MYO15A: variants seen among roughly 807,000 people sequenced by gnomAD.
MYO15A encodes unconventional myosin-XV.
A neutral mutation model predicts 394.6 loss-of-function variants in MYO15A; 308 were observed. The ratio of observed to expected loss-of-function variants is 0.78; its 90% confidence interval spans 0.71 to 0.86. The LOEUF (loss-of-function observed/expected upper bound fraction) is 0.86. Among genes scored for constraint, MYO15A ranks in the 40% least tolerant of loss-of-function variants. MYO15A has a pLI of 0.00. For missense variants in MYO15A, 4,606 were observed against 4,799.1 expected (o/e 0.96, Z 1.19); for synonymous variants, 1,957 against 2,003.8 (o/e 0.98, Z 0.62).
At chr17:18,149,463 C>A (rs1393922475) in intron 34 of MYO15A, 23 bp from the exon 35 acceptor site, 1 of 1,614,182 alleles carries the variant, frequency 6.2e-7, no homozygotes, top group South Asian at 1.1e-5. Context: ...AAGAACTTGA[C>A]ATTTTTGTGC....
intron 17 of MYO15A, among the ~76,000 whole-genome samples, 169 bp downstream of exon 17, chr17:18,138,415 G>A (rs1379817110): frequency 6.6e-6 from 1 of 152,194 alleles, no homozygotes; most frequent in Non-Finnish European, 1.5e-5. Context: ...GGCCAGATGG[G>A]CCGCTGTGGG....
intron 47 of MYO15A, among the ~76,000 whole-genome samples, chr17:18,155,657 C>A (rs2046663242): frequency 6.6e-6 from 1 of 152,160 alleles, no homozygotes; most frequent in Admixed American, 6.5e-5. Flanking sequence ...GGCACCCACT[C>A]CCCTGCCCTC....
At chr17:18,109,821 G>A (rs1183416223) in intron 1 of MYO15A, 4 of 152,192 alleles carry the variant, frequency 2.6e-5, no homozygotes, top group African/African-American at 7.2e-5. Context: ...CCAAAGACAT[G>A]AATATTCATC....
rs1180631470 is a variant in MYO15A, at chr17:18,136,635, C to T, written c.4728C>T (p.Ser1576=). ...WLITRVNALV[S]PRQDTLSIAI... is the part of the protein sequence containing the mutation. ...TCACCAGGGTCAACGCGCTGGTGTC[C>T]CCAAGGCAGGACACACTGTCCATCG... The change falls in exon 15 of 66, where the codon TCC becomes TCT. Residue 1576 remains serine (S), a synonymous_variant. Transcript: ENST00000647165. 6.2e-7 allele frequency: 1 copy of T among 1,613,416 alleles called. No homozygotes were observed. The highest frequency in any genetic ancestry group is 1.7e-5 in the Admixed American group (1 of 60,012).
chr17:18,151,663 CAG>C, intron 40 of MYO15A, 136 bp downstream of exon 40: 1 of 1,244,824 alleles, frequency 8.0e-7, no homozygotes, highest in Non-Finnish European at 1.2e-6. Context: ...CTGATGAGTC[CAG>C]ATGAGGCCCT....
chr17:18,159,221 T>C, intron 53 of MYO15A, 54 bp from the exon 54 acceptor site: 2 of 1,594,548 alleles, frequency 1.3e-6, no homozygotes, highest in Non-Finnish European at 8.6e-7. Flanking sequence ...ATGTGTCCCC[T>C]TTCTGTTCTG....
intron 62 of MYO15A, among the ~76,000 whole-genome samples, chr17:18,168,290 G>A (rs982293677): frequency 1.3e-5 from 2 of 152,020 alleles, no homozygotes; most frequent in Admixed American, 6.6e-5. Flanking sequence ...TTGTGGCCGG[G>A]CGCGGTCGCT....
intron 57 of MYO15A, 83 bp from the exon 58 acceptor site, chr17:18,162,502 G>A: frequency 8.2e-7 from 1 of 1,225,118 alleles, no homozygotes; most frequent in Non-Finnish European, 1.2e-6. Context: ...GAATGCAGTG[G>A]GCTCATGGTT....
At chr17:18,171,557 C>T in intron 62 of MYO15A, 81 bp from the exon 63 acceptor site, 2 of 1,599,250 alleles carry the variant, frequency 1.3e-6, no homozygotes, top group Non-Finnish European at 1.7e-6. Context: ...ATCAGGACTG[C>T]TCTGCATGCC....
intron 7 of MYO15A, among the ~76,000 whole-genome samples, chr17:18,130,436 G>A (rs575814745): frequency 2.6e-5 from 4 of 151,998 alleles, no homozygotes; most frequent in African/African-American, 7.2e-5. Context: ...ATGCAGGTGC[G>A]TGGGAGCAGT....
chr17:18,119,716 G>C lies in MYO15A; in HGVS notation c.916G>C (p.Gly306Arg). 6.2e-7 allele frequency: 1 copy of C among 1,611,574 alleles called. No homozygotes were observed. Among genetic ancestry groups the C allele is most frequent in the Non-Finnish European group, 8.5e-7 (1 of 1,179,946 alleles). Residue 306 changes from glycine to arginine, a missense_variant, in exon 2 of 66, where the codon GGC (glycine) becomes CGC (arginine). By Grantham distance (125) the Gly-to-Arg change is moderately radical. This residue lies in a region of MYO15A where 1,830 missense variants were observed against 1,689.7 expected (regional missense o/e 1.08). Transcript: ENST00000647165. ...CCCCTTTGATCCGGGGTACACCTACGGCTACGGCTACGACGATTACGAACC... is the reference window on the plus strand; with the variant it reads ...CCCCTTTGATCCGGGGTACACCTACCGCTACGGCTACGACGATTACGAACC... ...GGPFDPGYTY[G>R]YGYDDYEPPY...
chr17:18,157,869 C>A lies in MYO15A; in HGVS notation c.8936C>A (p.Ala2979Asp). ...GTGGCCGCTGCTGTGGCCTCTGCAG[C>A]CGCTGCACAGGAGGTGGGCCGCAGG... ...AAVAAAVASA[A>D]AAQEVGRRRE... is the part of the protein sequence containing the mutation. The change falls in exon 51 of 66, where the codon GCC (alanine) becomes GAC (aspartate). Residue 2979 changes from alanine (A) to aspartate (D), a missense_variant. Physicochemically the swap from Ala to Asp is moderately radical, Grantham distance 126. This residue lies in a region of MYO15A where 2,776 missense variants were observed against 3,109.3 expected (regional missense o/e 0.89). Transcript: ENST00000647165. The A allele has an allele frequency of 6.5e-7, 1 of 1,538,446 alleles. No homozygotes were observed.
intron 2 of MYO15A, chr17:18,122,929 G>C (rs1013583184): frequency 6.3e-6 from 1 of 158,924 alleles, no homozygotes. Context: ...TCTGGAATAG[G>C]TCAGGGTGAG....
chr17:18,141,371 C>T (rs552753977), intron 22 of MYO15A, among the ~76,000 whole-genome samples: 37 of 152,334 alleles, frequency 2.4e-4, no homozygotes, highest in African/African-American at 8.4e-4. Flanking sequence ...ATCAACGCTC[C>T]GCGTTATTAG....
Position 18,149,593 on chromosome 17 carries a change from T to C in MYO15A, c.7212+13T>C. The C allele has an allele frequency of 6.2e-7, 1 of 1,613,140 alleles. No individual in the cohort carries two copies. Among genetic ancestry groups the C allele is most frequent in the Non-Finnish European group, 8.5e-7 (1 of 1,179,236 alleles). On this transcript the variant is annotated intron_variant, in intron 35 of 65. Coordinates refer to ENST00000647165, the MANE Select transcript of MYO15A (RefSeq NM_016239.4). ...CTACGGGGATGCGGTAGGGATGGTGTGGGGTGGGTCATTTGCAGACAGCAG... is the reference window on the plus strand; with the variant it reads ...CTACGGGGATGCGGTAGGGATGGTGCGGGGTGGGTCATTTGCAGACAGCAG...
chr17:18,150,322 C>A lies in MYO15A; in HGVS notation c.7213-107C>A. 2.0e-6 allele frequency: 2 copies of A among 985,624 alleles called. No individual in the cohort carries two copies. Among genetic ancestry groups the A allele is most frequent in the Admixed American group, 1.9e-5 (1 of 53,874 alleles). 61.1% of individuals were successfully genotyped at this position (985,624 alleles called of 1,614,324 possible). The stretch of plus-strand genomic sequence containing the variant: ...AGACACTGAGCCAGTGGGAGGCTGC[C>A]CCCTCCCACGAGAGGGTGGGGAAGA... On this transcript the variant is annotated intron_variant, in intron 35 of 65. Coordinates refer to ENST00000647165, the MANE Select transcript of MYO15A (RefSeq NM_016239.4). This position sits in a 1 kb window ranked among gnomAD's most constrained non-coding sequence, Gnocchi z 4.4.
Position 18,145,866 on chromosome 17 carries a change from G to A in MYO15A, c.6274-6G>A, listed in dbSNP as rs2046469732. On this transcript the variant is annotated splice_region_variant and splice_polypyrimidine_tract_variant and intron_variant, in intron 29 of 65. Transcript: ENST00000647165. The stretch of plus-strand genomic sequence containing the variant: ...AGATGCCCAGGAGACTCTGTTCGTG[G>A]CCCAGATCCTGCGCTTCATGGGCGA... The A allele has an allele frequency of 6.2e-7, 1 of 1,612,726 alleles. No individual in the cohort carries two copies. The highest frequency in any genetic ancestry group is 8.5e-7 in the Non-Finnish European group (1 of 1,179,856).
rs1212853115 is a variant in MYO15A, at chr17:18,147,146, C to T, written c.6510-883C>T. On this transcript the variant is annotated intron_variant, in intron 30 of 65. Transcript: ENST00000647165. This position sits in a 1 kb window ranked among gnomAD's most constrained non-coding sequence, Gnocchi z 4.4. The stretch of plus-strand genomic sequence containing the variant: ...GTGTGAATCTCAGCTCTGATACTTA[C>T]CTGCTGTGTGGCCTGAGACAAGTCA... 6.6e-6 allele frequency among the ~76,000 whole-genome samples: 1 copy of T among 152,188 alleles called. No individual in the cohort carries two copies. The highest frequency in any genetic ancestry group is 1.9e-4 in the East Asian group (1 of 5,200).
At chr17:18,159,207 C>T (rs2046736878) in intron 53 of MYO15A, 68 bp from the exon 54 acceptor site, 2 of 1,575,974 alleles carry the variant, frequency 1.3e-6, no homozygotes, top group African/African-American at 1.4e-5. Flanking sequence ...GGCCTTGGAA[C>T]ACAATGTGTC....
Sources: allele counts gnomAD v4.1 joint callset (sites outside exome capture counted in the v4.1 genomes callset), GRCh38; gene constraint gnomAD v4.1.1; regional missense constraint gnomAD v4.1.1; non-coding constraint Gnocchi (gnomAD v3.1); transcripts MANE v1.5; gene names NCBI Gene and HGNC (gene_info 2026-07-23, HGNC 2026-07-21).